ROCK1: variants seen among roughly 807,000 people sequenced by gnomAD.
ROCK1 encodes rho-associated protein kinase 1.
A neutral mutation model predicts 196.8 loss-of-function variants in ROCK1; 36 were observed. The ratio of observed to expected loss-of-function variants is 0.18; its 90% CI spans 0.14 to 0.24. The LOEUF (loss-of-function observed/expected upper bound fraction) is 0.24, where lower values mean the gene tolerates loss of function less well. ROCK1 is among the 10% of genes least tolerant of loss of function. ROCK1 has a pLI of 1.00. For synonymous variants in ROCK1, 443 were observed against 515.9 expected (o/e 0.86, Z 1.91); for missense variants, 920 against 1,562.0 (o/e 0.59, Z 6.93).
intron 1 of ROCK1, among the ~76,000 whole-genome samples, chr18:21,086,018 T>C (rs2036523595): frequency 6.6e-6 from 1 of 152,302 alleles, no homozygotes; most frequent in African/African-American, 2.4e-5. Flanking sequence ...AGTTTGTCAT[T>C]TCTCAAACGA....
chr18:21,053,307 A>G (rs1050451657), intron 2 of ROCK1, among the ~76,000 whole-genome samples: 1 of 152,068 alleles, frequency 6.6e-6, no homozygotes, highest in African/African-American at 2.4e-5. Flanking sequence ...GCCTGCATGA[A>G]CATTTTTCTT....
intron 9 of ROCK1, 142 bp downstream of exon 9, chr18:21,039,329 AT>A: frequency 1.6e-6 from 1 of 613,138 alleles, no homozygotes; most frequent in South Asian, 2.1e-5. Flanking sequence ...TATCAAATTA[AT>A]AGGTTAGGAC....
intron 27 of ROCK1, among the ~76,000 whole-genome samples, chr18:20,962,061 G>A (rs1162644110): frequency 6.6e-6 from 1 of 151,786 alleles, no homozygotes. Context: ...ACAACGAGGT[G>A]GTACTTGACA....
chr18:20,959,104 TATATATATATTATATA>T (rs1378502105), intron 29 of ROCK1, among the ~76,000 whole-genome samples: 4 of 18,816 alleles, frequency 2.1e-4, no homozygotes, highest in African/African-American at 2.4e-4. Flanking sequence ...ATATATATAT[TATATATATATTATATA>T]ATATATATAT....
At chr18:21,039,438 T>C (rs2143498918) in intron 9 of ROCK1, 34 bp downstream of exon 9, 1 of 1,459,726 alleles carries the variant, frequency 6.9e-7, no homozygotes, top group Non-Finnish European at 9.5e-7. Context: ...CTTTCAAATA[T>C]TCACTAAAAT....
At chr18:20,983,911 C>T (rs1331254578) in intron 20 of ROCK1, among the ~76,000 whole-genome samples, 1 of 152,114 alleles carries the variant, frequency 6.6e-6, no homozygotes, top group Non-Finnish European at 1.5e-5. Context: ...ATTGTGAAAG[C>T]GTTCCTGATC....
At chr18:20,985,071 A>G (rs548201023) in intron 19 of ROCK1, among the ~76,000 whole-genome samples, 2 of 152,048 alleles carry the variant, frequency 1.3e-5, no homozygotes, top group Admixed American at 6.5e-5. Context: ...ACTGCACTCC[A>G]GCCTGAGTGA....
chr18:20,990,802 C>T (rs1479864659), intron 18 of ROCK1, among the ~76,000 whole-genome samples: 2 of 151,862 alleles, frequency 1.3e-5, no homozygotes, highest in African/African-American at 4.8e-5. Context: ...ACTCTGTTGC[C>T]CAGGCTGGAG....
intron 22 of ROCK1, among the ~76,000 whole-genome samples, chr18:20,970,723 C>G (rs2035418097): frequency 6.6e-6 from 1 of 152,172 alleles, no homozygotes; most frequent in African/African-American, 2.4e-5. Flanking sequence ...ATTTAGTTTT[C>G]TATCCCATAT....
At chr18:21,061,177 T>A (rs2036286987) in intron 2 of ROCK1, among the ~76,000 whole-genome samples, 8 of 151,822 alleles carry the variant, frequency 5.3e-5, no homozygotes, top group Admixed American at 5.3e-4. Flanking sequence ...TTCCCAGGTT[T>A]AATTGATTCT....
chr18:20,983,934 C>T (rs527493291), intron 20 of ROCK1, among the ~76,000 whole-genome samples: 55 of 152,258 alleles, frequency 3.6e-4, no homozygotes, highest in Middle Eastern at 3.4e-3. Context: ...GCTTGTTCTC[C>T]ATTTCAAATA....
intron 1 of ROCK1, among the ~76,000 whole-genome samples, chr18:21,110,424 C>T (rs2036740622): frequency 6.6e-6 from 1 of 152,072 alleles, no homozygotes; most frequent in Non-Finnish European, 1.5e-5. Context: ...AAAAAAAATG[C>T]AAAGTAGTCT....
At chr18:21,009,603 A>T (rs2035799642) in intron 13 of ROCK1, among the ~76,000 whole-genome samples, 1 of 152,200 alleles carries the variant, frequency 6.6e-6, no homozygotes, top group South Asian at 2.1e-4. Flanking sequence ...TAGTAGGCAC[A>T]TGTTTAGTTT....
At position 21,044,092 on chromosome 18, in the gene ROCK1, G is replaced by C. The variant is rs375105467; in HGVS notation, c.675+10C>G. On this transcript the variant is annotated intron_variant, in intron 6 of 32. Coordinates refer to ENST00000399799, the MANE Select transcript of ROCK1 (RefSeq NM_005406.3). Reference sequence around the variant, plus strand: ...TTAGCAAAAACTAAATTAAAATCTAGTTAATTAACCTTATTCATCTTCATA... The same window carrying C: ...TTAGCAAAAACTAAATTAAAATCTACTTAATTAACCTTATTCATCTTCATA... 4.6e-6 allele frequency: 7 copies of C among 1,522,382 alleles called. No individual in the cohort carries two copies. In the African/African-American group the frequency reaches 9.6e-5, roughly 21 times the overall value. 94.3% of individuals were successfully genotyped at this position (1,522,382 alleles called of 1,614,324 possible).
At chr18:21,067,178 C>T (rs894426567) in intron 2 of ROCK1, among the ~76,000 whole-genome samples, 1 of 152,076 alleles carries the variant, frequency 6.6e-6, no homozygotes, top group African/African-American at 2.4e-5. Flanking sequence ...GACTAACCAC[C>T]ATGAACAGTT....
At chr18:21,063,397 G>A (rs531396730) in intron 2 of ROCK1, among the ~76,000 whole-genome samples, 1 of 152,186 alleles carries the variant, frequency 6.6e-6, no homozygotes, top group African/African-American at 2.4e-5. Context: ...GAACAAAAAT[G>A]AAGGCTTATT....
At chr18:21,085,822 C>G (rs1054161242) in intron 1 of ROCK1, among the ~76,000 whole-genome samples, 3 of 152,186 alleles carry the variant, frequency 2.0e-5, no homozygotes, top group Non-Finnish European at 4.4e-5. Context: ...AACAACCACA[C>G]AGGACTGTTT....
chr18:21,090,290 C>A (rs2036559283), intron 1 of ROCK1, among the ~76,000 whole-genome samples: 1 of 152,120 alleles, frequency 6.6e-6, no homozygotes, highest in Admixed American at 6.5e-5. Context: ...ACAGTGTGAC[C>A]CTGTCTCTAT....
chr18:21,041,494 T>C (rs182915089), intron 8 of ROCK1, among the ~76,000 whole-genome samples: 5 of 152,114 alleles, frequency 3.3e-5, no homozygotes, highest in East Asian at 1.9e-4. Flanking sequence ...CAAAGGTATA[T>C]ATAATATGCC....
Sources: gnomAD v4.1 joint callset for allele counts (sites outside exome capture counted in the v4.1 genomes callset) on GRCh38, gnomAD v4.1.1 for gene constraint, MANE v1.5 for transcripts, NCBI Gene and HGNC (gene_info 2026-07-23, HGNC 2026-07-21) for gene names.